The following GPC5 variants were observed in gnomAD, a reference collection of about 807,000 sequenced individuals.
GPC5 encodes the protein glypican-5.
A neutral mutation model predicts 53.9 loss-of-function variants in GPC5; 47 were observed. The ratio of observed to expected loss-of-function variants is 0.87; its 90% CI spans 0.69 to 1.11. The LOEUF (loss-of-function observed/expected upper bound fraction) is 1.11, where lower values mean the gene tolerates loss of function less well. GPC5 is among the 50% of genes most tolerant of loss of function. The probability of loss-of-function intolerance (pLI) is 0.00; values close to 1 mark genes in which losing one functional copy is unlikely to be tolerated. For synonymous variants in GPC5, 286 were observed against 263.3 expected (o/e 1.09, Z -0.84); for missense variants, 748 against 713.1 (o/e 1.05, Z -0.56).
At chr13:91,626,020 C>G (rs372164326) in intron 2 of GPC5, among the ~76,000 whole-genome samples, 1,484 of 108,706 alleles carry the variant, frequency 0.014, 29 homozygotes, top group African/African-American at 0.036. Flanking sequence ...GCTTAAGGCC[C>G]TACTAATAAC....
chr13:91,701,119 T>C (rs1438493013), intron 3 of GPC5, among the ~76,000 whole-genome samples: 1 of 152,172 alleles, frequency 6.6e-6, no homozygotes, highest in African/African-American at 2.4e-5. Flanking sequence ...TATGTATTTA[T>C]GGTGTACAAC....
intron 3 of GPC5, among the ~76,000 whole-genome samples, chr13:91,726,825 G>A (rs2036585426): frequency 6.6e-6 from 1 of 152,186 alleles, no homozygotes; most frequent in Non-Finnish European, 1.5e-5. Context: ...CTGCACAGCT[G>A]CTGTGATGAG....
At position 92,335,815 on chromosome 13, in the gene GPC5, C is replaced by A. The variant is rs111905797; in HGVS notation, c.1561+190826C>A. On this transcript the variant is annotated intron_variant, in intron 7 of 7. Coordinates refer to ENST00000377067, the MANE Select transcript of GPC5 (RefSeq NM_004466.6). ...CCATCTGAGACGACCTTAGCCTGGACTTTTTTGTCCATATCACCTCAGCAT... is the reference window on the plus strand; with the variant it reads ...CCATCTGAGACGACCTTAGCCTGGAATTTTTTGTCCATATCACCTCAGCAT... Among the ~76,000 whole-genome samples, 708 of 152,272 alleles carry A rather than the reference C, an allele frequency of 4.6e-3. 6 individuals carry two copies. Among genetic ancestry groups the A allele is most frequent in the African/African-American group, 0.016 (679 of 41,572 alleles).
intron 2 of GPC5, among the ~76,000 whole-genome samples, chr13:91,565,676 A>G (rs191231360): frequency 7.9e-4 from 121 of 152,336 alleles, no homozygotes; most frequent in African/African-American, 2.8e-3. Context: ...AATGTAACCG[A>G]CTATTAGTTA....
Position 91,913,509 on chromosome 13 carries a change from T to G in GPC5, c.1401+5452T>G, listed in dbSNP as rs11840583. Among the ~76,000 whole-genome samples, 793 of 152,224 alleles carry G rather than the reference T, an allele frequency of 5.2e-3. 14 individuals carry two copies. Among genetic ancestry groups the G allele is most frequent in the African/African-American group, 0.017 (701 of 41,528 alleles). ...TTTAGGACAAGCCCTATATTTATAT[T>G]CTGCACACATTCCCTCTTCTCCACA... On this transcript the variant is annotated intron_variant, in intron 6 of 7. Coordinates refer to ENST00000377067, the MANE Select transcript of GPC5 (RefSeq NM_004466.6).
chr13:92,529,202 T>C (rs909498068), intron 7 of GPC5, among the ~76,000 whole-genome samples: 1 of 152,148 alleles, frequency 6.6e-6, no homozygotes, highest in African/African-American at 2.4e-5. Context: ...AAATTTTGCC[T>C]TCCTGCCCAA....
intron 7 of GPC5, among the ~76,000 whole-genome samples, chr13:92,624,458 C>A (rs1415802378): frequency 1.3e-5 from 2 of 152,162 alleles, no homozygotes; most frequent in African/African-American, 4.8e-5. Flanking sequence ...TCTGCCATGT[C>A]CATTCACACA....
intron 7 of GPC5, among the ~76,000 whole-genome samples, chr13:92,713,345 C>A (rs553985984): frequency 2.6e-5 from 4 of 151,390 alleles, no homozygotes; most frequent in Non-Finnish European, 4.4e-5. Context: ...GTAATCCCAG[C>A]ACTTTGGGAG....
In GPC5 at chr13:92,216,884, C is replaced by T. The variant is rs147044920; in HGVS notation, c.1561+71895C>T. Among the ~76,000 whole-genome samples the T allele has an allele frequency of 1.1e-3, 165 of 150,206 alleles. 3 individuals carry two copies. The highest frequency in any genetic ancestry group is 3.7e-3 in the African/African-American group (149 of 40,794). ...ATCCCAGCTACTGCAGAGGTTGAGG[C>T]GTGAGAATTACTTGAACCCAGGAGG... is the stretch of plus-strand genomic sequence containing the variant. On this transcript the variant is annotated intron_variant, in intron 7 of 7. Coordinates refer to ENST00000377067, the MANE Select transcript of GPC5 (RefSeq NM_004466.6).
intron 6 of GPC5, among the ~76,000 whole-genome samples, chr13:92,019,786 T>A (rs2040740460): frequency 6.6e-6 from 1 of 152,132 alleles, no homozygotes; most frequent in South Asian, 2.1e-4. Flanking sequence ...AGAATAGAAC[T>A]GTACTTTTTC....
Position 92,409,959 on chromosome 13 carries a change from A to T in GPC5, c.1561+264970A>T, listed in dbSNP as rs577131404. 2.0e-5 allele frequency among the ~76,000 whole-genome samples: 3 copies of T among 152,322 alleles called. No individual in the cohort carries two copies. In the East Asian group the frequency reaches 5.8e-4, roughly 29 times the overall value. ...AAAGTACACTCCTTTTTATGTAAAAATAAGGTGTGTATGTGTGTGTATGCA... is the reference window on the plus strand; with the variant it reads ...AAAGTACACTCCTTTTTATGTAAAATTAAGGTGTGTATGTGTGTGTATGCA... On this transcript the variant is annotated intron_variant, in intron 7 of 7. Coordinates refer to ENST00000377067, the MANE Select transcript of GPC5 (RefSeq NM_004466.6).
intron 7 of GPC5, among the ~76,000 whole-genome samples, chr13:92,862,614 GAGATAGATAGAC>G (rs200024260): frequency 0.011 from 1,518 of 142,092 alleles, 14 homozygotes; most frequent in East Asian, 0.028. Context: ...ATATCTAGTG[GAGATAGATAGAC>G]AGATAGATAG....
chr13:92,523,778 G>A (rs1268369947), intron 7 of GPC5, among the ~76,000 whole-genome samples: 1 of 151,984 alleles, frequency 6.6e-6, no homozygotes, highest in Non-Finnish European at 1.5e-5. Context: ...TATTTCATTT[G>A]AATTAATATT....
intron 7 of GPC5, among the ~76,000 whole-genome samples, chr13:92,697,586 G>A (rs530448419): frequency 1.8e-3 from 275 of 152,320 alleles, no homozygotes; most frequent in African/African-American, 6.1e-3. Context: ...AGCTTAAGGA[G>A]ATTTTGGGCT....
chr13:91,539,899 C>CT (rs2029869346), intron 2 of GPC5, among the ~76,000 whole-genome samples: 1 of 151,582 alleles, frequency 6.6e-6, no homozygotes, highest in Admixed American at 6.6e-5. Context: ...AGTTGGTGAA[C>CT]TTTTGTATAA....
chr13:92,805,629 G>C (rs1344050229), intron 7 of GPC5, among the ~76,000 whole-genome samples: 1 of 151,706 alleles, frequency 6.6e-6, no homozygotes, highest in African/African-American at 2.4e-5. Context: ...GTAGAGATCG[G>C]GTCTCACTTT....
At chr13:92,582,626 A>G (rs950069919) in intron 7 of GPC5, among the ~76,000 whole-genome samples, 4 of 152,170 alleles carry the variant, frequency 2.6e-5, no homozygotes, top group Non-Finnish European at 4.4e-5. Context: ...CTTCTAGTAC[A>G]TGAGCATGAG....
intron 6 of GPC5, among the ~76,000 whole-genome samples, chr13:92,040,976 G>A (rs972881134): frequency 3.9e-5 from 6 of 152,132 alleles, no homozygotes; most frequent in East Asian, 3.9e-4. Context: ...TCAGCCTCCC[G>A]AGTACCTGGG....
chr13:92,124,113 G>GT (rs2041673463), intron 6 of GPC5, among the ~76,000 whole-genome samples: 2 of 150,088 alleles, frequency 1.3e-5, no homozygotes, highest in East Asian at 3.9e-4. Context: ...CCTTACTACA[G>GT]TTAACTTTGT....
Sources: allele counts gnomAD v4.1 joint callset (sites outside exome capture counted in the v4.1 genomes callset), GRCh38; gene constraint gnomAD v4.1.1; transcripts MANE v1.5; gene names NCBI Gene and HGNC (gene_info 2026-07-23, HGNC 2026-07-21).